AK9: variants seen among roughly 807,000 people sequenced by gnomAD.
The protein encoded by AK9 is adenylate kinase 9.
A neutral mutation model predicts 239.6 loss-of-function variants in AK9; 191 were observed. The observed-to-expected ratio is 0.80, with a 90% CI of 0.71 to 0.90. The LOEUF is 0.90. Among genes scored for constraint, AK9 ranks in the 40% least tolerant of loss-of-function variants. AK9 has a pLI of 0.00. For missense variants in AK9, 1,995 were observed against 2,214.7 expected (o/e 0.90, Z 1.99); for synonymous variants, 689 against 721.0 (o/e 0.96, Z 0.71).
chr6:109,557,941 T>C (rs1283167233), intron 24 of AK9, among the ~76,000 whole-genome samples: 2 of 152,246 alleles, frequency 1.3e-5, no homozygotes, highest in East Asian at 3.8e-4. Context: ...CTAATCACTA[T>C]CTAATAGTGT....
At chr6:109,506,879 C>T (rs1778172466) in intron 33 of AK9, 79 bp from the exon 34 acceptor site, 3 of 1,433,020 alleles carry the variant, frequency 2.1e-6, no homozygotes, top group South Asian at 1.6e-5. Context: ...CAGAACCAGT[C>T]TGTCTCTTTA....
At chr6:109,557,016 T>G (rs1438625923) in intron 24 of AK9, among the ~76,000 whole-genome samples, 1 of 152,138 alleles carries the variant, frequency 6.6e-6, no homozygotes, top group East Asian at 1.9e-4. Context: ...CATCCAGTTC[T>G]GTGCCCTTGG....
intron 8 of AK9, among the ~76,000 whole-genome samples, chr6:109,655,295 A>G (rs890006026): frequency 2.0e-5 from 3 of 152,192 alleles, no homozygotes; most frequent in African/African-American, 7.2e-5. Context: ...CTTTATTATC[A>G]GTGAAGCTGA....
Position 109,669,343 on chromosome 6 carries a change from AT to A in AK9, c.331+2575del, listed in dbSNP as rs554217799. Among the ~76,000 whole-genome samples, 29 of 152,170 alleles carry A rather than the reference AT, an allele frequency of 1.9e-4. No individual in the cohort carries two copies. In the South Asian group the frequency reaches 5.6e-3, roughly 29 times the overall value. On this transcript the variant is annotated intron_variant, in intron 5 of 40. Transcript: ENST00000424296. ...ATCATGTCATCTGCAAACAGGGACA[AT>A]TTGACTTCCTCTTTTCCGAATTGAA... is the stretch of plus-strand genomic sequence containing the variant.
chr6:109,542,014 A>G, intron 27 of AK9, 33 bp downstream of exon 27: 2 of 1,477,632 alleles, frequency 1.4e-6, no homozygotes, highest in Non-Finnish European at 1.8e-6. Flanking sequence ...AATAAAAGCA[A>G]ATAAATGTAC....
chr6:109,617,003 T>C (rs930532853), intron 13 of AK9, among the ~76,000 whole-genome samples: 6 of 152,100 alleles, frequency 3.9e-5, no homozygotes. Flanking sequence ...CTTTCCAACA[T>C]ACTGTTAATA....
rs1288420794 is a variant in AK9 at position 109,577,864 on chromosome 6, CTTT to C, written c.2191+1683_2191+1685del. On this transcript the variant is annotated intron_variant, in intron 20 of 40. Transcript: ENST00000424296. The stretch of plus-strand genomic sequence containing the variant: ...CCTTCCTTCCTCTCTCTTTTTCTTT[CTTT>C]CTTTTTCTTTCCTTCTTTCCTTCTC... 1.3e-4 allele frequency among the ~76,000 whole-genome samples: 19 copies of C among 149,464 alleles called. No individual in the cohort carries two copies. In the East Asian group the frequency reaches 3.8e-3, roughly 30 times the overall value.
At chr6:109,618,879 T>C (rs1408630938) in intron 13 of AK9, among the ~76,000 whole-genome samples, 1 of 96,598 alleles carries the variant, frequency 1.0e-5, no homozygotes, top group African/African-American at 2.8e-5. Flanking sequence ...TAGAGGCTCA[T>C]TCTGATTCAT....
chr6:109,585,666 G>A (rs899486547), intron 18 of AK9, among the ~76,000 whole-genome samples: 28 of 152,068 alleles, frequency 1.8e-4, no homozygotes, highest in African/African-American at 6.5e-4. Context: ...TTGTGTGTGT[G>A]TGCGTGCTAA....
At chr6:109,616,851 G>T (rs1794243492) in intron 13 of AK9, among the ~76,000 whole-genome samples, 1 of 152,192 alleles carries the variant, frequency 6.6e-6, no homozygotes, top group African/African-American at 2.4e-5. Context: ...ATTGGAAAAA[G>T]AGGGGTTTAA....
At chr6:109,550,445 T>A in intron 24 of AK9, 143 bp from the exon 25 acceptor site, 2 of 626,098 alleles carry the variant, frequency 3.2e-6, no homozygotes, top group Non-Finnish European at 5.1e-6. Flanking sequence ...TATATTATTT[T>A]AATTAATTAA....
chr6:109,545,983 T>C lies in AK9; in HGVS notation c.3109A>G (p.Lys1037Glu), dbSNP rs765480326. 4.3e-6 allele frequency: 7 copies of C among 1,614,098 alleles called. No individual in the cohort carries two copies. Among genetic ancestry groups the C allele is most frequent in the Non-Finnish European group, 5.9e-6 (7 of 1,180,042 alleles). Residue 1037 changes from lysine to glutamate, a missense_variant, in exon 26 of 41, where the codon AAA (lysine) becomes GAA (glutamate). Lys to Glu is a moderately conservative substitution (Grantham distance 56). Transcript: ENST00000424296. The part of the protein sequence containing the change: ...QEKLLLKTEK[K>E]VGPEFEEDSE... ...TCTTCCTCAAATTCAGGTCCCACTT[T>C]CTTTTCAGTTTTGAGTAGTAGTTTT...
chr6:109,529,280 G>C (rs1263255336), intron 28 of AK9, among the ~76,000 whole-genome samples: 1 of 152,136 alleles, frequency 6.6e-6, no homozygotes, highest in Non-Finnish European at 1.5e-5. Flanking sequence ...TTCTTCCAGA[G>C]GGATAAACAG....
At chr6:109,550,771 C>G (rs1409415960) in intron 24 of AK9, among the ~76,000 whole-genome samples, 1 of 152,064 alleles carries the variant, frequency 6.6e-6, no homozygotes, top group African/African-American at 2.4e-5. Context: ...CTATTTAGCT[C>G]AATTGAAAGT....
chr6:109,550,166 T>C lies in AK9; in HGVS notation c.2888A>G (p.Tyr963Cys), dbSNP rs1301709618. ...EAAKYREKIY[Y>C]FSSAEAKEKF... ...TTCTTTAGCCTCAGCACTTGAAAAGTAGTAGATCTTTTCTCGATACTTGGC... is the reference window on the plus strand; with the variant it reads ...TTCTTTAGCCTCAGCACTTGAAAAGCAGTAGATCTTTTCTCGATACTTGGC... The change falls in exon 25 of 41, where the codon TAC becomes TGC. Residue 963 changes from tyrosine (Y) to cysteine (C), a missense_variant. Tyr to Cys is a radical substitution (Grantham distance 194, BLOSUM62 -2). Around this residue, in one of 5 missense-constraint regions of AK9, gnomAD observed 1,290 missense variants for 1,392.7 expected, o/e 0.93. Transcript: ENST00000424296. The C allele has an allele frequency of 1.9e-6, 3 of 1,613,976 alleles. No individual in the cohort carries two copies. The highest frequency in any genetic ancestry group is 1.7e-5 in the Admixed American group (1 of 60,010).
intron 16 of AK9, among the ~76,000 whole-genome samples, 176 bp from the exon 17 acceptor site, chr6:109,610,689 A>G (rs1290091159): frequency 6.6e-6 from 1 of 152,174 alleles, no homozygotes; most frequent in Non-Finnish European, 1.5e-5. Context: ...TAGGTCAGGA[A>G]TCACAGCACC....
At chr6:109,495,802 T>A (rs1776972648) in intron 38 of AK9, among the ~76,000 whole-genome samples, 1 of 152,094 alleles carries the variant, frequency 6.6e-6, no homozygotes, top group South Asian at 2.1e-4. Flanking sequence ...AGCTACCCAC[T>A]TGTTCTCTTC....
In AK9 at chr6:109,608,381, C is replaced by T. The variant is rs1339737951; in HGVS notation, c.1842+1984G>A. Among the ~76,000 whole-genome samples, 3 of 148,684 alleles carry T rather than the reference C, an allele frequency of 2.0e-5. No individual in the cohort carries two copies. The East Asian group carries it at 6.2e-4, about 31-fold the overall frequency. On this transcript the variant is annotated intron_variant, in intron 17 of 40. Transcript: ENST00000424296. ...GAACGAAGAGTCTATAAAGGGACTA[C>T]ACATATATGGCCACTTGATATATGA...
intron 19 of AK9, among the ~76,000 whole-genome samples, chr6:109,582,828 C>T (rs9384717): frequency 0.55 from 84,039 of 151,824 alleles, 24,829 homozygotes; most frequent in South Asian, 0.78. Flanking sequence ...TAAACAGATA[C>T]AACAAACTTC....
Sources: gnomAD v4.1 joint callset for allele counts (sites outside exome capture counted in the v4.1 genomes callset) on GRCh38, gnomAD v4.1.1 for gene constraint, gnomAD v4.1.1 regional missense constraint, MANE v1.5 for transcripts, NCBI Gene and HGNC (gene_info 2026-07-23, HGNC 2026-07-21) for gene names.